The following CD274 variants were observed in gnomAD, a reference collection of about 807,000 sequenced individuals.
CD274 encodes programmed cell death 1 ligand 1.
A neutral mutation model predicts 30.1 loss-of-function variants in CD274; 8 were observed. The observed-to-expected ratio is 0.27, with a 90% confidence interval of 0.16 to 0.48. The LOEUF is 0.48. Ranked by LOEUF, CD274 falls within the 20% of genes least tolerant of loss-of-function variation. The pLI, the probability that CD274 is intolerant of heterozygous loss-of-function variation, is 0.99. For missense variants in CD274, 353 were observed against 346.6 expected (o/e 1.02, Z -0.15); for synonymous variants, 152 against 124.6 (o/e 1.22, Z -1.46).
chr9:5,466,403 A>G (rs1368838614), intron 5 of CD274, among the ~76,000 whole-genome samples: 2 of 152,202 alleles, frequency 1.3e-5, no homozygotes, highest in Non-Finnish European at 2.9e-5. Context: ...CCTGAGATGG[A>G]GTTGATTTGC....
chr9:5,466,107 T>G (rs1819494165), intron 5 of CD274, among the ~76,000 whole-genome samples: 1 of 152,210 alleles, frequency 6.6e-6, no homozygotes, highest in Non-Finnish European at 1.5e-5. Flanking sequence ...ATGAGTATAT[T>G]CAAATAATTT....
In CD274 at chr9:5,469,438, GTTC is replaced by G. The variant is rs1819550315; in HGVS notation, c.*1581_*1583del. 2 of 231,760 alleles carry G rather than the reference GTTC, an allele frequency of 8.6e-6. No homozygotes were observed. Among genetic ancestry groups the G allele is most frequent in the Middle Eastern group, 1.3e-3 (1 of 774 alleles). The allele number at this position is 231,760 out of a possible 1,614,324, so 14.4% of individuals were successfully genotyped here. On this transcript the variant is annotated 3_prime_UTR_variant, in exon 7 of 7. Coordinates refer to ENST00000381577, the MANE Select transcript of CD274 (RefSeq NM_014143.4). The stretch of plus-strand genomic sequence containing the variant: ...AACTGCTACTGCCTTTCATTCATAT[GTTC>G]TTCTAAAGATAGTCTACATTTGGAA...
chr9:5,463,009 T>A lies in CD274; in HGVS notation c.570T>A (p.Leu190=), dbSNP rs2131223974. The A allele has an allele frequency of 6.2e-7, 1 of 1,614,046 alleles. No homozygotes were observed. The highest frequency in any genetic ancestry group is 1.7e-5 in the Admixed American group (1 of 59,996). The stretch of plus-strand genomic sequence containing the variant: ...CCAATTCCAAGAGAGAGGAGAAGCT[T>A]TTCAATGTGACCAGCACACTGAGAA... ...TTTNSKREEK[L]FNVTSTLRIN... The change falls in exon 4 of 7, where the codon CTT becomes CTA. Residue 190 remains leucine, a synonymous_variant. Coordinates refer to ENST00000381577, the MANE Select transcript of CD274 (RefSeq NM_014143.4).
chr9:5,453,170 G>GA (rs890925848), intron 1 of CD274, among the ~76,000 whole-genome samples: 3 of 151,944 alleles, frequency 2.0e-5, no homozygotes, highest in Non-Finnish European at 2.9e-5. Context: ...AGACGGAAAG[G>GA]AAAGAAATAA....
rs1819427419 is a variant in CD274, at chr9:5,462,805, G to T, written c.395-29G>T. 2.5e-6 allele frequency: 4 copies of T among 1,600,224 alleles called. No homozygotes were observed. In the African/African-American group the frequency reaches 4.0e-5, roughly 16 times the overall value. ...GTACGTAGTTCTGTGCTCAGCAAAA[G>T]CCCTGACTTCTTTTTGTTTATGTCC... On this transcript the variant is annotated intron_variant, in intron 3 of 6. Transcript: ENST00000381577.
chr9:5,462,695 G>A (rs917974916), intron 3 of CD274, 139 bp from the exon 4 acceptor site: 12 of 698,952 alleles, frequency 1.7e-5, no homozygotes, highest in Middle Eastern at 4.2e-4. Flanking sequence ...TGTTCCCCAC[G>A]GCTGAGGCAT....
chr9:5,461,085 T>C (rs1393136791), intron 3 of CD274, among the ~76,000 whole-genome samples: 1 of 152,212 alleles, frequency 6.6e-6, no homozygotes, highest in African/African-American at 2.4e-5. Context: ...CAAGGCATAA[T>C]ATACCTTAGG....
intron 3 of CD274, among the ~76,000 whole-genome samples, chr9:5,460,645 C>T (rs946410299): frequency 1.3e-5 from 2 of 152,184 alleles, no homozygotes; most frequent in Non-Finnish European, 2.9e-5. Flanking sequence ...GCTCTGAAGT[C>T]TGGGCCCTTA....
chr9:5,457,963 A>G (rs1819337031), intron 3 of CD274, among the ~76,000 whole-genome samples: 1 of 152,258 alleles, frequency 6.6e-6, no homozygotes, highest in Admixed American at 6.5e-5. Context: ...ACATTAAAAA[A>G]GACTTGAAGT....
chr9:5,457,652 G>A (rs1302802711), intron 3 of CD274, among the ~76,000 whole-genome samples: 2 of 152,194 alleles, frequency 1.3e-5, no homozygotes, highest in Non-Finnish European at 1.5e-5. Context: ...TCTACAGTAT[G>A]TACAGTTTTC....
intron 1 of CD274, among the ~76,000 whole-genome samples, chr9:5,452,939 G>C (rs560608719): frequency 6.1e-4 from 92 of 151,934 alleles, no homozygotes; most frequent in African/African-American, 2.1e-3. Context: ...AAGTGAATTT[G>C]TGTTTATAAT....
chr9:5,461,884 G>A (rs909016283), intron 3 of CD274, among the ~76,000 whole-genome samples: 4 of 152,028 alleles, frequency 2.6e-5, no homozygotes, highest in African/African-American at 9.7e-5. Context: ...AGCTTAAAAT[G>A]TAAATATCAT....
rs761784030 is a variant in CD274, at chr9:5,457,413, A to T, written c.387A>T (p.Lys129Asn). 3 of 1,611,880 alleles carry T rather than the reference A, an allele frequency of 1.9e-6. No individual in the cohort carries two copies. In the Admixed American group the frequency reaches 5.0e-5, roughly 27 times the overall value. The stretch of plus-strand genomic sequence containing the variant: ...CCGACTACAAGCGAATTACTGTGAA[A>T]GTCAATGGTAAGAATTATTATAGAT... The part of the protein sequence containing the change: ...GGADYKRITV[K>N]VNAPYNKINQ... The change falls in exon 3 of 7, where the codon AAA (lysine) becomes AAT (asparagine). Residue 129 changes from lysine to asparagine, a missense_variant. Transcript: ENST00000381577.
intron 5 of CD274, 132 bp downstream of exon 5, chr9:5,465,738 A>G: frequency 1.7e-6 from 1 of 587,140 alleles, no homozygotes; most frequent in South Asian, 2.1e-5. Flanking sequence ...AACAGCAATT[A>G]TATTGAAGCT....
chr9:5,462,596 G>A (rs1313006429), intron 3 of CD274, among the ~76,000 whole-genome samples: 1 of 152,170 alleles, frequency 6.6e-6, no homozygotes, highest in African/African-American at 2.4e-5. Context: ...CCCAATAAAT[G>A]TACCAACATG....
chr9:5,468,081 C>T lies in CD274; in HGVS notation c.*219C>T. ...GGGAGCCTGGAGGGAGACCTTGATACTTTCAAATGCCTGAGGGGCTCATCG... is the reference window on the plus strand; with the variant it reads ...GGGAGCCTGGAGGGAGACCTTGATATTTTCAAATGCCTGAGGGGCTCATCG... On this transcript the variant is annotated 3_prime_UTR_variant, in exon 7 of 7. Transcript: ENST00000381577. 1.7e-6 allele frequency: 1 copy of T among 582,904 alleles called. No individual in the cohort carries two copies. The highest frequency in any genetic ancestry group is 1.9e-5 in the African/African-American group (1 of 53,454). The allele number at this position is 582,904 out of a possible 1,614,324, so 36.1% of individuals were successfully genotyped here.
chr9:5,454,048 T>TA (rs1230078042), intron 1 of CD274, among the ~76,000 whole-genome samples: 1 of 152,202 alleles, frequency 6.6e-6, no homozygotes, highest in Admixed American at 6.5e-5. Flanking sequence ...GAAAAAAACA[T>TA]AAAAAATAAA....
chr9:5,463,170 G>C (rs1479529428), intron 4 of CD274, 49 bp downstream of exon 4: 1 of 1,406,142 alleles, frequency 7.1e-7, no homozygotes, highest in East Asian at 2.3e-5. Context: ...CTGTCCCCTA[G>C]CACCTAGCAT....
intron 5 of CD274, among the ~76,000 whole-genome samples, chr9:5,466,262 C>A (rs547946475): frequency 3.2e-4 from 48 of 152,174 alleles, no homozygotes; most frequent in African/African-American, 1.1e-3. Flanking sequence ...TTGAAAAATT[C>A]CCCATAACCC....
Sources: gnomAD v4.1 joint callset for allele counts (sites outside exome capture counted in the v4.1 genomes callset) on GRCh38, gnomAD v4.1.1 for gene constraint, MANE v1.5 for transcripts, NCBI Gene and HGNC (gene_info 2026-07-23, HGNC 2026-07-21) for gene names.